Variants in CDC42BPB observed in about 807,000 individuals in gnomAD.
The protein encoded by CDC42BPB is serine/threonine-protein kinase MRCK beta.
Under a neutral mutation model 214.9 loss-of-function variants are expected in CDC42BPB, and 37 were observed. That is an observed-to-expected ratio of 0.17 (90% CI 0.13 to 0.23). The LOEUF (loss-of-function observed/expected upper bound fraction) is 0.23. Ranked by LOEUF, CDC42BPB falls within the 10% of genes least tolerant of loss-of-function variation. The pLI is 1.00. For missense variants in CDC42BPB, 1,694 were observed against 2,227.0 expected (o/e 0.76, Z 4.82); for synonymous variants, 931 against 884.0 (o/e 1.05, Z -0.94).
intron 4 of CDC42BPB, among the ~76,000 whole-genome samples, chr14:103,002,327 G>A (rs1001428192): frequency 2.6e-5 from 4 of 152,186 alleles, no homozygotes; most frequent in Admixed American, 1.3e-4. Flanking sequence ...TTCATGGTAC[G>A]TCTACCTGGG....
chr14:102,950,021 C>T, intron 25 of CDC42BPB, 117 bp from the exon 26 acceptor site: 5 of 1,521,976 alleles, frequency 3.3e-6, no homozygotes, highest in Non-Finnish European at 4.4e-6. Flanking sequence ...GCTGTTTGGA[C>T]AGAGGGATGT....
chr14:102,954,677 A>G lies in CDC42BPB; in HGVS notation c.2913T>C (p.Ala971=). 6.2e-7 allele frequency: 1 copy of G among 1,613,500 alleles called. No homozygotes were observed. Among genetic ancestry groups the G allele is most frequent in the South Asian group, 1.1e-5 (1 of 91,018 alleles). Residue 971 remains alanine (A), a synonymous_variant, in exon 22 of 37, where the codon GCT becomes GCC. Coordinates refer to ENST00000361246, the MANE Select transcript of CDC42BPB (RefSeq NM_006035.4). ...TCGGAGCTTGTGTTTCTTGCTCACT[A>G]GCTGAGCTGGTCTGTGAGAACCAAG... ...AHDLTFRTSS[A]SEQETQAPKP...
chr14:102,970,508 A>AT, intron 13 of CDC42BPB: 2 of 344,266 alleles, frequency 5.8e-6, no homozygotes, highest in Non-Finnish European at 8.2e-6. Flanking sequence ...AAGAAAGGAT[A>AT]CATTTCTTGA....
At chr14:103,008,076 A>T (rs776580092) in intron 3 of CDC42BPB, among the ~76,000 whole-genome samples, 1 of 152,094 alleles carries the variant, frequency 6.6e-6, no homozygotes, top group Non-Finnish European at 1.5e-5. Context: ...CTTCATTTCT[A>T]ATCGTGAGGA....
At chr14:102,941,711 G>A (rs1249203781) in intron 30 of CDC42BPB, 1 of 279,842 alleles carries the variant, frequency 3.6e-6, no homozygotes, top group Non-Finnish European at 5.4e-6. Context: ...AAGAACATGG[G>A]CTCTGGAGCC....
At chr14:103,033,987 G>C (rs1887531286) in intron 1 of CDC42BPB, among the ~76,000 whole-genome samples, 1 of 152,190 alleles carries the variant, frequency 6.6e-6, no homozygotes, top group African/African-American at 2.4e-5. Context: ...CTTCTGTACG[G>C]ATTCTACAAA....
intron 1 of CDC42BPB, among the ~76,000 whole-genome samples, chr14:103,045,848 G>A (rs1402737816): frequency 1.3e-5 from 2 of 152,168 alleles, no homozygotes; most frequent in Non-Finnish European, 2.9e-5. Context: ...TGAGCTCCAG[G>A]AGAACAGGAA....
At position 103,012,256 on chromosome 14, in the gene CDC42BPB, G is replaced by A. The variant is rs548171565; in HGVS notation, c.176-68C>T. 10 of 1,497,476 alleles carry A rather than the reference G, an allele frequency of 6.7e-6. No individual in the cohort carries two copies. In the African/African-American group the frequency reaches 1.4e-4, roughly 21 times the overall value. The allele number at this position is 1,497,476 out of a possible 1,614,324, so 92.8% of individuals were successfully genotyped here. On this transcript the variant is annotated intron_variant, in intron 1 of 36. Coordinates refer to ENST00000361246, the MANE Select transcript of CDC42BPB (RefSeq NM_006035.4). Reference sequence around the variant, plus strand: ...TCATACTATATAAAAATTTAATTGAGTGGGGTGTTGCACTAAGTTATACTT... The same window carrying A: ...TCATACTATATAAAAATTTAATTGAATGGGGTGTTGCACTAAGTTATACTT...
In CDC42BPB at chr14:102,939,613, A is replaced by G; in HGVS notation, c.4824T>C (p.Pro1608=). 6.2e-7 allele frequency: 1 copy of G among 1,611,450 alleles called. No individual in the cohort carries two copies. Among genetic ancestry groups the G allele is most frequent in the Non-Finnish European group, 8.5e-7 (1 of 1,177,606 alleles). Residue 1608 remains proline, a synonymous_variant, in exon 34 of 37, where the codon CCT becomes CCC. Transcript: ENST00000361246. The part of the protein sequence containing the change: ...GDGMQVLMDL[P]LSAVPPSQEE... ...CCTATCCCGGCCGTGCACGCACCAG[A>G]GGCAGGTCCATGAGCACCTGCATGC...
At position 102,977,070 on chromosome 14, in the gene CDC42BPB, G is replaced by A. The variant is rs544026125; in HGVS notation, c.1221-1021C>T. Among the ~76,000 whole-genome samples, 8 of 152,196 alleles carry A rather than the reference G, an allele frequency of 5.3e-5. No individual in the cohort carries two copies. In the South Asian group the frequency reaches 1.2e-3, roughly 24 times the overall value. ...AAGTATGGGGATATCAGCCGGGCGCGGTGGCTCACGCCTGTAATCCTGACA... is the reference window on the plus strand; with the variant it reads ...AAGTATGGGGATATCAGCCGGGCGCAGTGGCTCACGCCTGTAATCCTGACA... On this transcript the variant is annotated intron_variant, in intron 9 of 36. Coordinates refer to ENST00000361246, the MANE Select transcript of CDC42BPB (RefSeq NM_006035.4).
intron 26 of CDC42BPB, 147 bp downstream of exon 26, chr14:102,949,618 A>G: frequency 1.0e-6 from 1 of 1,004,850 alleles, no homozygotes; most frequent in Non-Finnish European, 1.5e-6. Context: ...AGTCATGACT[A>G]AGCTGTACCC....
At chr14:103,008,027 G>GA (rs1262374351) in intron 3 of CDC42BPB, among the ~76,000 whole-genome samples, 1 of 151,916 alleles carries the variant, frequency 6.6e-6, no homozygotes, top group Non-Finnish European at 1.5e-5. Context: ...ACGGAACTAA[G>GA]AAAAAGGAGC....
rs543002446 is a variant in CDC42BPB at position 102,981,242 on chromosome 14, G to C, written c.892-221C>G. The C allele has an allele frequency of 1.8e-5, 17 of 929,646 alleles. No individual in the cohort carries two copies. In the African/African-American group the frequency reaches 2.8e-4, roughly 16 times the overall value. The allele number at this position is 929,646 out of a possible 1,614,324, so 57.6% of individuals were successfully genotyped here. A position where few individuals can be genotyped will look rare whatever the true frequency, so the allele number is the denominator to read the frequency against. On this transcript the variant is annotated intron_variant, in intron 7 of 36. Coordinates refer to ENST00000361246, the MANE Select transcript of CDC42BPB (RefSeq NM_006035.4). ...CTCATTGTAGACTTGTGACCACACT[G>C]CATGTAAATGACACATTTTACCTAT...
intron 2 of CDC42BPB, chr14:103,008,797 G>A (rs982351594): frequency 1.1e-5 from 5 of 440,678 alleles, no homozygotes; most frequent in Non-Finnish European, 1.5e-5. Context: ...TTTATGGCTC[G>A]GGTTCCACCA....
intron 3 of CDC42BPB, among the ~76,000 whole-genome samples, chr14:103,005,997 C>T (rs1052004465): frequency 7.5e-6 from 1 of 133,330 alleles, no homozygotes; most frequent in African/African-American, 3.0e-5. Flanking sequence ...CCAGCCTGGG[C>T]GACAGGGAGA....
At chr14:102,956,912 C>T (rs924851598) in intron 21 of CDC42BPB, among the ~76,000 whole-genome samples, 1 of 150,730 alleles carries the variant, frequency 6.6e-6, no homozygotes, top group African/African-American at 2.4e-5. Context: ...GGCATGGTGG[C>T]TCACACCTGT....
chr14:102,963,310 C>A, intron 19 of CDC42BPB, 155 bp from the exon 20 acceptor site: 1 of 982,220 alleles, frequency 1.0e-6, no homozygotes, highest in Non-Finnish European at 1.2e-6. Context: ...ACTGCAAACA[C>A]CATGAACAGT....
chr14:103,008,908 A>C (rs932561163), intron 2 of CDC42BPB, among the ~76,000 whole-genome samples: 24 of 152,252 alleles, frequency 1.6e-4, no homozygotes, highest in African/African-American at 5.5e-4. Flanking sequence ...CACAGTCAGC[A>C]CTCAGCGCGC....
At position 102,975,790 on chromosome 14, in the gene CDC42BPB, G is replaced by A. The variant is rs201366298; in HGVS notation, c.1401C>T (p.Thr467=). 3.7e-5 allele frequency: 59 copies of A among 1,614,180 alleles called. No individual in the cohort carries two copies. The highest frequency in any genetic ancestry group is 1.1e-4 in the African/African-American group (8 of 75,048). The change falls in exon 11 of 37, where the codon ACC becomes ACT. Residue 467 remains threonine (T), a synonymous_variant. Transcript: ENST00000361246. The part of the protein sequence containing the change: ...LSRKLQESTQ[T]VQSLHGSSRA... The stretch of plus-strand genomic sequence containing the variant: ...GAGATGAGCCGTGGAGGGACTGCAC[G>A]GTCTGGGTGGACTCTGAGGGATGGA...
Sources: gnomAD v4.1 joint callset for allele counts (sites outside exome capture counted in the v4.1 genomes callset) on GRCh38, gnomAD v4.1.1 for gene constraint, MANE v1.5 for transcripts, NCBI Gene and HGNC (gene_info 2026-07-23, HGNC 2026-07-21) for gene names.